The following LLGL2 variants were observed in gnomAD, a reference collection of about 807,000 sequenced individuals.
LLGL2 encodes LLGL scribble cell polarity complex component 2, also known as LLGL2, scribble cell polarity complex component.
A neutral mutation model predicts 123.2 loss-of-function variants in LLGL2; 81 were observed. The observed-to-expected ratio is 0.66, with a 90% confidence interval of 0.55 to 0.79. The LOEUF (loss-of-function observed/expected upper bound fraction) is 0.79, where lower values mean the gene tolerates loss of function less well. Among genes scored for constraint, LLGL2 ranks in the 30% least tolerant of loss-of-function variants. The pLI, the probability that LLGL2 is intolerant of heterozygous loss-of-function variation, is 0.00. For synonymous variants in LLGL2, 577 were observed against 594.1 expected, an observed-to-expected ratio of 0.97 and a Z score of 0.42; for missense variants, 1,273 against 1,414.6, an observed-to-expected ratio of 0.90 and a Z score of 1.61.
At chr17:75,574,108 C>T in intron 22 of LLGL2, 105 bp from the exon 23 acceptor site, 1 of 1,542,244 alleles carries the variant, frequency 6.5e-7, no homozygotes, top group Non-Finnish European at 8.8e-7. Flanking sequence ...GCATTCCTTC[C>T]AGCCCTGGGC....
chr17:75,559,422 GC>G lies in LLGL2; in HGVS notation c.530+15del. ...GCGGTGCTGCAGCGGTGAGCCCAGA[GC>G]CCAGCTGCTGTTAACTCCATCCCCT... On this transcript the variant is annotated intron_variant, in intron 6 of 25. Transcript: ENST00000392550. The surrounding 1 kb of genome is among the most constrained non-coding windows in gnomAD (Gnocchi z 4.6). 2 of 1,592,650 alleles carry G rather than the reference GC, an allele frequency of 1.3e-6. No homozygotes were observed.
chr17:75,573,659 C>T (rs759769413), intron 21 of LLGL2, 28 bp downstream of exon 21: 28 of 1,487,186 alleles, frequency 1.9e-5, no homozygotes, highest in Admixed American at 9.3e-5. Context: ...AGGCCTCTCC[C>T]GCCCCTCCCG....
Position 75,543,434 on chromosome 17 carries a change from G to T in LLGL2, c.8G>T (p.Arg3Leu), listed in dbSNP as rs758332714. The T allele has an allele frequency of 1.2e-6, 2 of 1,607,430 alleles. No individual in the cohort carries two copies. The highest frequency in any genetic ancestry group is 1.7e-6 in the Non-Finnish European group (2 of 1,176,282). The change falls in exon 2 of 26, where the codon CGG (arginine) becomes CTG (leucine). Residue 3 changes from arginine (R) to leucine (L), a missense_variant. Coordinates refer to ENST00000392550, the MANE Select transcript of LLGL2 (RefSeq NM_001031803.2). MR[R>L]FLRPGHDPVR... ...GGCTGCAGACTAAGCAAAATGAGGC[G>T]GTTCCTGAGGCCAGGGCATGACCCT... is the stretch of plus-strand genomic sequence containing the variant.
At chr17:75,534,698 C>T (rs891318024) in intron 1 of LLGL2, among the ~76,000 whole-genome samples, 2 of 152,140 alleles carry the variant, frequency 1.3e-5, no homozygotes, top group African/African-American at 2.4e-5. Flanking sequence ...CCAGGCTGGT[C>T]TCGAACTCCT....
At position 75,525,777 on chromosome 17, in the gene LLGL2, G is replaced by GCGCCGAGGGACGCCGAGGGA. The variant is rs368354171; in HGVS notation, c.-61_-60insGACGCCGAGGGACGCCGAGG. The stretch of plus-strand genomic sequence containing the variant: ...GCGGAGCGAGCGGGGCCGGCGGCGG[G>GCGCCGAGGGACGCCGAGGGA]CGCCGAGGGACGCCGAGGCCTCGGG... On this transcript the variant is annotated 5_prime_UTR_variant, in exon 1 of 26. Transcript: ENST00000392550. The surrounding 1 kb of genome is among the most constrained non-coding windows in gnomAD (Gnocchi z 4.8). The GCGCCGAGGGACGCCGAGGGA allele has an allele frequency of 3.3e-5, 5 of 149,992 alleles. No homozygotes were observed. The highest frequency in any genetic ancestry group is 4.0e-4 in the East Asian group (2 of 4,956). The allele number at this position is 149,992 out of a possible 1,614,324, so 9.3% of individuals were successfully genotyped here. A position where few individuals can be genotyped will look rare whatever the true frequency, so the allele number is the denominator to read the frequency against.
intron 6 of LLGL2, among the ~76,000 whole-genome samples, chr17:75,560,826 A>AAC (rs2055181020): frequency 5.1e-5 from 5 of 98,030 alleles, no homozygotes; most frequent in African/African-American, 1.2e-4. Flanking sequence ...AAAAAAAAAA[A>AAC]AAAAAACAAA....
In LLGL2 at chr17:75,558,575, G is replaced by C; in HGVS notation, c.319G>C (p.Gly107Arg). Reference protein sequence around the residue: ...LHLWSLKVKGGASELQEDESF... With the variant: ...LHLWSLKVKGRASELQEDESF... ...CCTTTGGAGCCTGAAGGTCAAGGGC[G>C]GGGCATCGGAGCTGCAGGAGGATGA... The change falls in exon 5 of 26, where the codon GGG becomes CGG. Residue 107 changes from glycine to arginine, a missense_variant. Gly to Arg is a moderately radical substitution (Grantham distance 125). Coordinates refer to ENST00000392550, the MANE Select transcript of LLGL2 (RefSeq NM_001031803.2). The surrounding 1 kb of genome is among the most constrained non-coding windows in gnomAD (Gnocchi z 4.0). The C allele has an allele frequency of 6.2e-7, 1 of 1,611,660 alleles. No individual in the cohort carries two copies. Among genetic ancestry groups the C allele is most frequent in the Non-Finnish European group, 8.5e-7 (1 of 1,179,122 alleles).
At chr17:75,546,942 CCAGA>C (rs1598552147) in intron 2 of LLGL2, among the ~76,000 whole-genome samples, 1 of 152,140 alleles carries the variant, frequency 6.6e-6, no homozygotes, top group East Asian at 1.9e-4. Context: ...GGGTCAGGCC[CCAGA>C]CAGTGTTCAT....
chr17:75,550,864 G>A (rs1028043850), intron 2 of LLGL2, among the ~76,000 whole-genome samples: 8 of 150,820 alleles, frequency 5.3e-5, no homozygotes, highest in African/African-American at 1.5e-4. Flanking sequence ...TGGAGCCTTC[G>A]TTCTTTCCCT....
chr17:75,558,310 G>T lies in LLGL2; in HGVS notation c.255+74G>T. ...CTTCACTGCTTCCAGCAGGGCTGGT[G>T]TGGAGAGGCTGGCATTCGGTGGCCC... On this transcript the variant is annotated intron_variant, in intron 4 of 25. Transcript: ENST00000392550. This position sits in a 1 kb window ranked among gnomAD's most constrained non-coding sequence, Gnocchi z 4.0. The T allele has an allele frequency of 1.4e-6, 2 of 1,450,138 alleles. No homozygotes were observed. Among genetic ancestry groups the T allele is most frequent in the Non-Finnish European group, 1.9e-6 (2 of 1,048,520 alleles). 89.8% of individuals were successfully genotyped at this position (1,450,138 alleles called of 1,614,324 possible).
At position 75,558,009 on chromosome 17, in the gene LLGL2, G is replaced by A. The variant is rs991111608; in HGVS notation, c.174-146G>A. 5.0e-6 allele frequency: 4 copies of A among 800,586 alleles called. No homozygotes were observed. Among genetic ancestry groups the A allele is most frequent in the Non-Finnish European group, 8.8e-6 (4 of 452,982 alleles). The allele number at this position is 800,586 out of a possible 1,614,324, so 49.6% of individuals were successfully genotyped here. On this transcript the variant is annotated intron_variant, in intron 3 of 25. Coordinates refer to ENST00000392550, the MANE Select transcript of LLGL2 (RefSeq NM_001031803.2). The surrounding 1 kb of genome is among the most constrained non-coding windows in gnomAD (Gnocchi z 4.0). Reference sequence around the variant, plus strand: ...GCTGCTGTGTCTCCTCCCCACCCTAGGCTCCATGCATGGGTCCTGCTGCCT... The same window carrying A: ...GCTGCTGTGTCTCCTCCCCACCCTAAGCTCCATGCATGGGTCCTGCTGCCT...
At chr17:75,537,492 G>A (rs1568022185) in intron 1 of LLGL2, among the ~76,000 whole-genome samples, 1 of 152,062 alleles carries the variant, frequency 6.6e-6, no homozygotes, top group Non-Finnish European at 1.5e-5. Flanking sequence ...TCAGGAGTTC[G>A]AGACCAGCCT....
intron 1 of LLGL2, among the ~76,000 whole-genome samples, chr17:75,535,414 C>A (rs1193711677): frequency 6.6e-6 from 1 of 152,240 alleles, no homozygotes; most frequent in African/African-American, 2.4e-5. Context: ...TCTCTGGTTT[C>A]GGCTGGGTCT....
chr17:75,572,206 A>AG, intron 19 of LLGL2, 142 bp downstream of exon 19: 2 of 854,488 alleles, frequency 2.3e-6, no homozygotes, highest in Admixed American at 2.3e-5. Flanking sequence ...GAAATAAGTG[A>AG]GGGGGGAGTC....
intron 25 of LLGL2, 72 bp downstream of exon 25, chr17:75,574,740 C>T: frequency 6.3e-7 from 1 of 1,596,236 alleles, no homozygotes; most frequent in South Asian, 1.1e-5. Flanking sequence ...CCCGGCCCCA[C>T]TCCCCTGGGT....
In LLGL2 at chr17:75,551,536, G is replaced by A. The variant is rs148459948; in HGVS notation, c.76-4510G>A. ...AACTCCAAGGCTTGAAGGGAATGAGGAATGAATGCGGGTGGTTGAAGGATG... is the reference window on the plus strand; with the variant it reads ...AACTCCAAGGCTTGAAGGGAATGAGAAATGAATGCGGGTGGTTGAAGGATG... On this transcript the variant is annotated intron_variant, in intron 2 of 25. Coordinates refer to ENST00000392550, the MANE Select transcript of LLGL2 (RefSeq NM_001031803.2). 5.0e-3 allele frequency among the ~76,000 whole-genome samples: 759 copies of A among 152,260 alleles called. 9 individuals are homozygous for A. Among genetic ancestry groups the A allele is most frequent in the African/African-American group, 0.018 (731 of 41,544 alleles).
intron 19 of LLGL2, among the ~76,000 whole-genome samples, chr17:75,572,504 A>G (rs2055764569): frequency 1.3e-5 from 2 of 152,114 alleles, no homozygotes; most frequent in Non-Finnish European, 2.9e-5. Flanking sequence ...TCTACAAACA[A>G]ATGCAAAAAA....
intron 19 of LLGL2, 37 bp downstream of exon 19, chr17:75,572,101 C>G: frequency 6.3e-7 from 1 of 1,588,194 alleles, no homozygotes; most frequent in Non-Finnish European, 8.6e-7. Context: ...CCTGGGACTC[C>G]CCGGGACATC....
intron 1 of LLGL2, among the ~76,000 whole-genome samples, chr17:75,526,718 A>C (rs764287689): frequency 1.3e-4 from 20 of 151,978 alleles, no homozygotes; most frequent in Non-Finnish European, 2.6e-4. Flanking sequence ...AGTTCAAGAG[A>C]ACCTTGAGTT....
Sources: allele counts gnomAD v4.1 joint callset (sites outside exome capture counted in the v4.1 genomes callset), GRCh38; gene constraint gnomAD v4.1.1; non-coding constraint Gnocchi (gnomAD v3.1); transcripts MANE v1.5; gene names NCBI Gene and HGNC (gene_info 2026-07-23, HGNC 2026-07-21).